The following CAP2 variants were observed in gnomAD, a reference collection of about 807,000 sequenced individuals.
CAP2 encodes the protein cyclase associated actin cytoskeleton regulatory protein 2.
In CAP2, 24 loss-of-function variants were observed where a neutral mutation model predicts 57.7. The observed-to-expected ratio is 0.42, with a 90% confidence interval of 0.30 to 0.58. The LOEUF (loss-of-function observed/expected upper bound fraction) is 0.58. CAP2 is among the 20% of genes least tolerant of loss of function. The pLI is 0.22. For synonymous variants in CAP2, 194 were observed against 207.2 expected (o/e 0.94, Z 0.55); for missense variants, 501 against 590.3 (o/e 0.85, Z 1.57).
At chr6:17,536,303 G>A (rs1317855155) in intron 7 of CAP2, 2 of 456,722 alleles carry the variant, frequency 4.4e-6, no homozygotes, top group Non-Finnish European at 8.8e-6. Flanking sequence ...ATCCAGTGAA[G>A]GGAACATCTA....
intron 11 of CAP2, among the ~76,000 whole-genome samples, chr6:17,543,772 ATCTCT>A (rs1265779224): frequency 6.6e-6 from 1 of 151,972 alleles, no homozygotes; most frequent in Non-Finnish European, 1.5e-5. Context: ...TTTCTTTTCA[ATCTCT>A]TCTAACAGAT....
At chr6:17,458,916 A>G (rs1474421996) in intron 3 of CAP2, among the ~76,000 whole-genome samples, 1 of 152,046 alleles carries the variant, frequency 6.6e-6, no homozygotes, top group Non-Finnish European at 1.5e-5. Context: ...GAATTAAAGA[A>G]AAACACCTCA....
Position 17,543,075 on chromosome 6 carries a change from C to G in CAP2, c.1141C>G (p.Leu381Val). 3 of 1,614,028 alleles carry G rather than the reference C, an allele frequency of 1.9e-6. No homozygotes were observed. Among genetic ancestry groups the G allele is most frequent in the Non-Finnish European group, 2.5e-6 (3 of 1,179,916 alleles). ...TCTCCCCACAGACAACTGTAAAAAA[C>G]TCGGCCTGGTGTTTGACAATGTGGT... ...NSIIIDNCKKLGLVFDNVVGI... is the reference protein window; with the variant it reads ...NSIIIDNCKKVGLVFDNVVGI... Residue 381 changes from leucine (L) to valine (V), a missense_variant, in exon 11 of 13, where the codon CTC (leucine) becomes GTC (valine). Coordinates refer to ENST00000229922, the MANE Select transcript of CAP2 (RefSeq NM_006366.3).
rs10656588 is a variant in CAP2, at chr6:17,529,651, A to AAAAAAATATATAT, written c.637-9617_637-9616insAAAAATATATATA. On this transcript the variant is annotated intron_variant, in intron 7 of 12. Transcript: ENST00000229922. ...GCAAGACTCCGTCTCAAAAAAAAAA[A>AAAAAAATATATAT]ATATATATATATATATATATGTATA... is the stretch of plus-strand genomic sequence containing the variant. 1.3e-3 allele frequency among the ~76,000 whole-genome samples: 173 copies of AAAAAAATATATAT among 134,500 alleles called. 1 individual carries two copies. Among genetic ancestry groups the AAAAAAATATATAT allele is most frequent in the Non-Finnish European group, 1.7e-3 (112 of 65,090 alleles). The allele number at this position is 134,500 out of a possible 152,430, so 88.2% of individuals were successfully genotyped here. A position where few individuals can be genotyped will look rare whatever the true frequency, so the allele number is the denominator to read the frequency against.
intron 11 of CAP2, among the ~76,000 whole-genome samples, chr6:17,548,912 T>C (rs1184568594): frequency 6.6e-6 from 1 of 152,128 alleles, no homozygotes; most frequent in Non-Finnish European, 1.5e-5. Context: ...TTGTGAAAAA[T>C]AAATACTTTT....
At chr6:17,527,699 G>A (rs892137779) in intron 7 of CAP2, among the ~76,000 whole-genome samples, 3 of 150,350 alleles carry the variant, frequency 2.0e-5, no homozygotes, top group South Asian at 2.1e-4. Flanking sequence ...GGGATCAAGC[G>A]ATTCTTGTGC....
intron 12 of CAP2, among the ~76,000 whole-genome samples, chr6:17,555,766 C>T (rs1763289844): frequency 2.0e-5 from 3 of 151,862 alleles, no homozygotes; most frequent in Admixed American, 6.6e-5. Flanking sequence ...AGGGTTTCAC[C>T]ATGTTGGCCA....
chr6:17,507,024 CT>C (rs1762004782), intron 4 of CAP2, 144 bp from the exon 5 acceptor site: 1 of 770,090 alleles, frequency 1.3e-6, no homozygotes, highest in Admixed American at 2.3e-5. Context: ...CAAATGCATG[CT>C]GTTCTCAAAG....
chr6:17,508,914 C>T (rs886735654), intron 6 of CAP2, among the ~76,000 whole-genome samples: 4 of 151,966 alleles, frequency 2.6e-5, no homozygotes, highest in Admixed American at 2.0e-4. Context: ...CGCACCACCA[C>T]GCCCAGCTAA....
At chr6:17,428,883 C>T (rs964345255) in intron 3 of CAP2, among the ~76,000 whole-genome samples, 10 of 152,142 alleles carry the variant, frequency 6.6e-5, no homozygotes, top group Non-Finnish European at 1.5e-4. Flanking sequence ...CCAGTGACTC[C>T]GGTTATGCCA....
chr6:17,470,006 T>C (rs893941039), intron 4 of CAP2, among the ~76,000 whole-genome samples: 4 of 152,214 alleles, frequency 2.6e-5, no homozygotes, highest in Non-Finnish European at 5.9e-5. Flanking sequence ...ATAAATATGT[T>C]CAGGATTTTA....
rs1051089683 is a variant in CAP2 at position 17,507,246 on chromosome 6, G to A, written c.378G>A (p.Gly126=). 4 of 1,614,158 alleles carry A rather than the reference G, an allele frequency of 2.5e-6. No individual in the cohort carries two copies. Among genetic ancestry groups the A allele is most frequent in the Non-Finnish European group, 3.4e-6 (4 of 1,179,992 alleles). The part of the protein sequence containing the change: ...EIQTFRERNR[G]SNMFNHLSAV... Reference sequence around the variant, plus strand: ...AAACTTTCAGAGAGAGAAACCGGGGGAGTAACATGTTTAATCATCTTTCGG... The same window carrying A: ...AAACTTTCAGAGAGAGAAACCGGGGAAGTAACATGTTTAATCATCTTTCGG... The change falls in exon 5 of 13, where the codon GGG becomes GGA. Residue 126 remains glycine (G), a synonymous_variant. Coordinates refer to ENST00000229922, the MANE Select transcript of CAP2 (RefSeq NM_006366.3).
At chr6:17,539,134 G>C (rs1296423442) in intron 7 of CAP2, 135 bp from the exon 8 acceptor site, 1 of 743,936 alleles carries the variant, frequency 1.3e-6, no homozygotes. Context: ...TGATGCACAG[G>C]TGTGCCCTCT....
At chr6:17,498,907 C>G (rs1017076390) in intron 4 of CAP2, among the ~76,000 whole-genome samples, 2 of 151,266 alleles carry the variant, frequency 1.3e-5, no homozygotes, top group African/African-American at 4.9e-5. Flanking sequence ...TTTTTTGTAT[C>G]TTTAGTAGAG....
At chr6:17,405,328 G>A (rs1758932254) in intron 1 of CAP2, among the ~76,000 whole-genome samples, 1 of 152,196 alleles carries the variant, frequency 6.6e-6, no homozygotes, top group South Asian at 2.1e-4. Flanking sequence ...GTTGCAGTGA[G>A]CTGAGATTGC....
At chr6:17,498,752 G>A (rs1310909914) in intron 4 of CAP2, among the ~76,000 whole-genome samples, 1 of 151,648 alleles carries the variant, frequency 6.6e-6, no homozygotes, top group Non-Finnish European at 1.5e-5. Flanking sequence ...TTTTTGAGAT[G>A]GAGTCTTGCT....
At chr6:17,480,900 G>A (rs1447623609) in intron 4 of CAP2, among the ~76,000 whole-genome samples, 1 of 145,810 alleles carries the variant, frequency 6.9e-6, no homozygotes, top group Non-Finnish European at 1.5e-5. Flanking sequence ...TCAGCCTCCT[G>A]CCTGAGTAGC....
At chr6:17,471,193 G>C (rs530497468) in intron 4 of CAP2, among the ~76,000 whole-genome samples, 6 of 152,316 alleles carry the variant, frequency 3.9e-5, no homozygotes, top group Admixed American at 3.3e-4. Flanking sequence ...AAACTCCCAA[G>C]TGTTTCTTAA....
At chr6:17,416,463 G>A (rs1759278195) in intron 1 of CAP2, among the ~76,000 whole-genome samples, 1 of 152,170 alleles carries the variant, frequency 6.6e-6, no homozygotes, top group Admixed American at 6.5e-5. Context: ...TCATAACTGT[G>A]TTAACACTGG....
Sources: allele counts gnomAD v4.1 joint callset (sites outside exome capture counted in the v4.1 genomes callset), GRCh38; gene constraint gnomAD v4.1.1; transcripts MANE v1.5; gene names NCBI Gene and HGNC (gene_info 2026-07-23, HGNC 2026-07-21).